SMG1: variants seen among roughly 807,000 people sequenced by gnomAD.
SMG1 encodes the protein serine/threonine-protein kinase SMG1.
In SMG1, 22 loss-of-function variants were observed where a neutral mutation model predicts 419.9. The observed-to-expected ratio is 0.05, with a 90% CI of 0.04 to 0.07. The LOEUF (loss-of-function observed/expected upper bound fraction) is 0.07, where lower values mean the gene tolerates loss of function less well. Among genes scored for constraint, SMG1 ranks in the 10% least tolerant of loss-of-function variants. SMG1 has a pLI of 1.00. For missense variants in SMG1, 3,185 were observed against 4,342.0 expected (o/e 0.73, Z 7.49); for synonymous variants, 1,538 against 1,553.5 (o/e 0.99, Z 0.23).
In SMG1 at chr16:18,819,787, T is replaced by C. The variant is rs8046761; in HGVS notation, c.9742-133A>G. On this transcript the variant is annotated intron_variant, in intron 55 of 62. Coordinates refer to ENST00000446231, the MANE Select transcript of SMG1 (RefSeq NM_015092.5). ...CATGTAATTTAGAAAACAAAAGTTT[T>C]AACAATCACCTTTTGGAATTAACCT... 0.017 allele frequency: 15,376 copies of C among 881,208 alleles called. 1,608 individuals are homozygous for C. The African/African-American group carries it at 0.23, about 13-fold the overall frequency. 54.6% of individuals were successfully genotyped at this position (881,208 alleles called of 1,614,324 possible).
intron 40 of SMG1, 101 bp from the exon 41 acceptor site, chr16:18,841,895 G>A: frequency 1.0e-6 from 1 of 971,500 alleles, no homozygotes. Flanking sequence ...AAAACTGACA[G>A]TCCATGAGGC....
chr16:18,883,533 G>A (rs1488568280), intron 9 of SMG1, among the ~76,000 whole-genome samples: 1 of 152,214 alleles, frequency 6.6e-6, no homozygotes, highest in Non-Finnish European at 1.5e-5. Context: ...GCTACCAAGA[G>A]TATGTAAAGC....
At chr16:18,921,553 C>T (rs534917722) in intron 1 of SMG1, among the ~76,000 whole-genome samples, 2 of 152,224 alleles carry the variant, frequency 1.3e-5, no homozygotes, top group East Asian at 1.9e-4. Flanking sequence ...ACTCTAGTTC[C>T]ATTTAATATT....
chr16:18,864,712 A>T (rs1398091385), intron 23 of SMG1, among the ~76,000 whole-genome samples: 1 of 152,006 alleles, frequency 6.6e-6, no homozygotes, highest in Non-Finnish European at 1.5e-5. Context: ...CCTGGACTCA[A>T]GCAATCCGCT....
At chr16:18,919,691 C>T (rs1334773523) in intron 1 of SMG1, among the ~76,000 whole-genome samples, 2 of 148,166 alleles carry the variant, frequency 1.3e-5, no homozygotes, top group Non-Finnish European at 3.0e-5. Flanking sequence ...CACACACACA[C>T]ACACACACAA....
chr16:18,834,731 A>G (rs2033443724), intron 49 of SMG1, among the ~76,000 whole-genome samples, 161 bp downstream of exon 49: 1 of 152,226 alleles, frequency 6.6e-6, no homozygotes. Flanking sequence ...CAGTGTCAAG[A>G]GTGAGACCCT....
chr16:18,862,639 T>C (rs1215719661), intron 25 of SMG1, among the ~76,000 whole-genome samples: 1 of 152,182 alleles, frequency 6.6e-6, no homozygotes. Flanking sequence ...GTCTCCATGC[T>C]TCCATACTTG....
intron 7 of SMG1, 145 bp from the exon 8 acceptor site, chr16:18,885,307 G>A: frequency 6.3e-6 from 4 of 639,680 alleles, no homozygotes; most frequent in East Asian, 5.4e-5. Flanking sequence ...AGGGGAGAGG[G>A]GCAGGAAAAT....
chr16:18,838,739 CCCT>C lies in SMG1; in HGVS notation c.6946-53_6946-51del, dbSNP rs550294279. The C allele has an allele frequency of 1.3e-4, 158 of 1,235,826 alleles. No individual in the cohort carries two copies. In the African/African-American group the frequency reaches 2.2e-3, roughly 17 times the overall value. 76.6% of individuals were successfully genotyped at this position (1,235,826 alleles called of 1,614,324 possible). ...CAAGTGAAACACCATTAAGAAATTT[CCCT>C]CCAACATGGACGTGATACTATAAAA... On this transcript the variant is annotated intron_variant, in intron 42 of 62. Coordinates refer to ENST00000446231, the MANE Select transcript of SMG1 (RefSeq NM_015092.5).
chr16:18,847,614 AC>A lies in SMG1; in HGVS notation c.5842-8del, dbSNP rs1348341253. The stretch of plus-strand genomic sequence containing the variant: ...CAGCCACGAGCATCTGAACCTGCAT[AC>A]ACAGCACACCCAAATAGCTCATCTA... On this transcript the variant is annotated splice_polypyrimidine_tract_variant and splice_region_variant and intron_variant, in intron 37 of 62. Coordinates refer to ENST00000446231, the MANE Select transcript of SMG1 (RefSeq NM_015092.5). 34 of 1,613,866 alleles carry A rather than the reference AC, an allele frequency of 2.1e-5. 1 individual carries two copies. The highest frequency in any genetic ancestry group is 1.7e-4 in the Middle Eastern group (1 of 6,030).
In SMG1 at chr16:18,853,672, G is replaced by A. The variant is rs769514295; in HGVS notation, c.4679C>T (p.Thr1560Ile). ...QHQQNFTGLS[T>I]LSKNILTLIE... ...TAGAGTGAGTATGTTTTTAGACAAA[G>A]TAGAAAGACCTGTGAAGTTCTGTTG... Residue 1560 changes from threonine (T) to isoleucine (I), a missense_variant, in exon 31 of 63, where the codon ACT (threonine) becomes ATT (isoleucine). This residue lies in a region of SMG1 where 493 missense variants were observed against 552.9 expected (regional missense o/e 0.89). Transcript: ENST00000446231. 6.2e-7 allele frequency: 1 copy of A among 1,613,232 alleles called. No individual in the cohort carries two copies. The highest frequency in any genetic ancestry group is 8.5e-7 in the Non-Finnish European group (1 of 1,179,610).
intron 40 of SMG1, among the ~76,000 whole-genome samples, 163 bp downstream of exon 40, chr16:18,842,045 A>G (rs2033956728): frequency 6.6e-6 from 1 of 152,304 alleles, no homozygotes; most frequent in South Asian, 2.1e-4. Flanking sequence ...CACGGCATCC[A>G]ATCACTGCCG....
intron 38 of SMG1, 52 bp downstream of exon 38, chr16:18,847,401 T>G: frequency 1.9e-6 from 3 of 1,597,342 alleles, no homozygotes; most frequent in Non-Finnish European, 2.6e-6. Context: ...TATTTATACT[T>G]TGAAACAAAG....
chr16:18,837,525 T>C (rs2033651863), intron 45 of SMG1, 82 bp from the exon 46 acceptor site: 2 of 1,229,396 alleles, frequency 1.6e-6, no homozygotes, highest in Admixed American at 4.9e-5. Context: ...ATTTTGCACA[T>C]CCTACTTAAA....
At position 18,879,527 on chromosome 16, in the gene SMG1, A is replaced by G. The variant is rs1386256795; in HGVS notation, c.1486T>C (p.Tyr496His). 1.0e-5 allele frequency: 11 copies of G among 1,049,502 alleles called. No homozygotes were observed. Among genetic ancestry groups the G allele is most frequent in the Non-Finnish European group, 1.4e-5 (10 of 703,640 alleles). The allele number at this position is 1,049,502 out of a possible 1,614,324, so 65.0% of individuals were successfully genotyped here. A position where few individuals can be genotyped will look rare whatever the true frequency, so the allele number is the denominator to read the frequency against. ...AGTAAATTCAAGACTGAGATGATAT[A>G]ATCGGTACCACAAGTCTGGCAATTC... is the stretch of plus-strand genomic sequence containing the variant. ...LENCQTCGTD[Y>H]IISVLNLLTL... The change falls in exon 11 of 63, where the codon TAT becomes CAT. Residue 496 changes from tyrosine to histidine, a missense_variant. This residue lies in a region of SMG1 where 297 missense variants were observed against 491.0 expected (regional missense o/e 0.60). Transcript: ENST00000446231.
At chr16:18,847,778 A>G (rs2034351291) in intron 37 of SMG1, 38 bp downstream of exon 37, 3 of 1,600,008 alleles carry the variant, frequency 1.9e-6, no homozygotes, top group Non-Finnish European at 2.6e-6. Flanking sequence ...TTATTATTCT[A>G]TAAAAAATTC....
At chr16:18,923,646 A>G (rs905192980) in intron 1 of SMG1, among the ~76,000 whole-genome samples, 1 of 152,044 alleles carries the variant, frequency 6.6e-6, no homozygotes, top group African/African-American at 2.4e-5. Context: ...GGAAGGAAAA[A>G]AAAAAGGCCT....
At chr16:18,883,017 T>C (rs1402669253) in intron 9 of SMG1, among the ~76,000 whole-genome samples, 1 of 152,002 alleles carries the variant, frequency 6.6e-6, no homozygotes, top group Non-Finnish European at 1.5e-5. Flanking sequence ...GTTCTAGGTG[T>C]GGGGGCAAAG....
chr16:18,883,976 T>C (rs1430798363), intron 9 of SMG1, 94 bp downstream of exon 9: 5 of 486,900 alleles, frequency 1.0e-5, no homozygotes, highest in Non-Finnish European at 1.8e-5. Flanking sequence ...TCTGCTTAAA[T>C]GTCAGGAGGT....
Sources: gnomAD v4.1 joint callset for allele counts (sites outside exome capture counted in the v4.1 genomes callset) on GRCh38, gnomAD v4.1.1 for gene constraint, gnomAD v4.1.1 regional missense constraint, MANE v1.5 for transcripts, NCBI Gene and HGNC (gene_info 2026-07-23, HGNC 2026-07-21) for gene names.